The following SLC39A12 variants were observed in gnomAD, a reference collection of about 807,000 sequenced individuals.
SLC39A12 encodes the protein solute carrier family 39 member 12.
SLC39A12 carries 63 observed loss-of-function variants against 71.1 expected under a neutral mutation model. The ratio of observed to expected loss-of-function variants is 0.89; its 90% CI spans 0.72 to 1.09. SLC39A12 has a LOEUF of 1.09. SLC39A12 is among the 50% of genes least tolerant of loss of function. The pLI, the probability that SLC39A12 is intolerant of heterozygous loss-of-function variation, is 0.00. For synonymous variants in SLC39A12, 351 were observed against 301.3 expected, an observed-to-expected ratio of 1.16 and a Z score of -1.71; for missense variants, 892 against 812.6, an observed-to-expected ratio of 1.10 and a Z score of -1.19.
intron 10 of SLC39A12, among the ~76,000 whole-genome samples, chr10:17,997,508 G>A (rs1219383909): frequency 6.6e-6 from 1 of 151,870 alleles, no homozygotes; most frequent in Admixed American, 6.6e-5. Flanking sequence ...TTTCTCTTTG[G>A]TTGTGGTCTT....
chr10:17,967,631 C>G (rs1256078573), intron 4 of SLC39A12, among the ~76,000 whole-genome samples: 1 of 151,898 alleles, frequency 6.6e-6, no homozygotes, highest in Non-Finnish European at 1.5e-5. Context: ...CGCCTGTAAT[C>G]CCAGCACTTT....
chr10:17,972,377 A>G (rs1299824592), intron 4 of SLC39A12, among the ~76,000 whole-genome samples: 2 of 152,080 alleles, frequency 1.3e-5, no homozygotes, highest in African/African-American at 4.8e-5. Context: ...GATGAAGTTT[A>G]ATGTTACTTT....
chr10:18,026,841 G>T (rs541897983), intron 12 of SLC39A12, among the ~76,000 whole-genome samples: 5 of 152,112 alleles, frequency 3.3e-5, no homozygotes, highest in Non-Finnish European at 7.4e-5. Context: ...TTCTGTGACA[G>T]TGTTTTTAAT....
Position 17,953,368 on chromosome 10 carries a change from C to T in SLC39A12, c.92C>T (p.Ala31Val). 4 of 1,614,120 alleles carry T rather than the reference C, an allele frequency of 2.5e-6. No individual in the cohort carries two copies. Among genetic ancestry groups the T allele is most frequent in the Non-Finnish European group, 3.4e-6 (4 of 1,180,022 alleles). The change falls in exon 2 of 13, where the codon GCC (alanine) becomes GTC (valine). Residue 31 changes from alanine to valine, a missense_variant. Coordinates refer to ENST00000377369, the MANE Select transcript of SLC39A12 (RefSeq NM_001145195.2). ...VFSTETDKPSAQDSRSRGSSG... is the reference protein window; with the variant it reads ...VFSTETDKPSVQDSRSRGSSG... ...TCTACTGAGACAGACAAACCCTCAG[C>T]CCAGGATAGCAGAAGCCGTGGGAGT...
intron 11 of SLC39A12, chr10:18,001,995 C>G (rs1250537804): frequency 2.0e-5 from 3 of 151,476 alleles, no homozygotes; most frequent in Non-Finnish European, 2.9e-5. Flanking sequence ...CACCCCACTA[C>G]CCTTCCCAGC....
chr10:17,954,751 A>ATTTAGC, intron 2 of SLC39A12, among the ~76,000 whole-genome samples: 1 of 151,704 alleles, frequency 6.6e-6, no homozygotes, highest in East Asian at 1.9e-4. Flanking sequence ...AGCATACATA[A>ATTTAGC]ATAAGTAAAA....
intron 12 of SLC39A12, among the ~76,000 whole-genome samples, chr10:18,041,793 CTATA>C (rs1201050271): frequency 7.8e-6 from 1 of 128,418 alleles, no homozygotes; most frequent in African/African-American, 2.7e-5. Context: ...ACATATGTGT[CTATA>C]TGTATATACA....
In SLC39A12 at chr10:18,000,658, G is replaced by T. The variant is rs987298487; in HGVS notation, c.1601-9G>T. The T allele has an allele frequency of 6.2e-7, 1 of 1,613,788 alleles. No individual in the cohort carries two copies. The highest frequency in any genetic ancestry group is 8.5e-7 in the Non-Finnish European group (1 of 1,179,908). On this transcript the variant is annotated splice_polypyrimidine_tract_variant and intron_variant, in intron 10 of 12. Transcript: ENST00000377369. ...TTAATGCTTCTTCTGTGTTTATTTG[G>T]TTCCTTAGGTAAAGCCATTAGCTTG...
intron 12 of SLC39A12, among the ~76,000 whole-genome samples, chr10:18,006,952 G>T (rs971187957): frequency 6.6e-6 from 1 of 152,154 alleles, no homozygotes; most frequent in African/African-American, 2.4e-5. Context: ...CAGAGATGGG[G>T]CTGAGTGCAT....
At chr10:18,029,106 C>T (rs1239684460) in intron 12 of SLC39A12, among the ~76,000 whole-genome samples, 1 of 150,146 alleles carries the variant, frequency 6.7e-6, no homozygotes, top group Non-Finnish European at 1.5e-5. Context: ...CTCCTGAACT[C>T]GTGATCCGCC....
chr10:17,966,733 G>T (rs968039288), intron 4 of SLC39A12, among the ~76,000 whole-genome samples: 20 of 152,006 alleles, frequency 1.3e-4, no homozygotes, highest in African/African-American at 4.8e-4. Context: ...ACTTTGGGAG[G>T]CTGAGGCGGG....
intron 6 of SLC39A12, among the ~76,000 whole-genome samples, chr10:17,985,860 G>C (rs1315004424): frequency 6.6e-6 from 1 of 151,672 alleles, no homozygotes; most frequent in East Asian, 1.9e-4. Flanking sequence ...AGGAAGCCTA[G>C]AAACATGAAA....
rs939102596 is a variant in SLC39A12, at chr10:18,029,280, T to C, written c.1948-13425T>C. On this transcript the variant is annotated intron_variant, in intron 12 of 12. Transcript: ENST00000377369. ...AACAGAACTTGCGAGGACCATTCTC[T>C]GTGGATAAGTCGTAGTTTGTGGACT... is the stretch of plus-strand genomic sequence containing the variant. Among the ~76,000 whole-genome samples the C allele has an allele frequency of 3.3e-5, 5 of 152,222 alleles. No individual in the cohort carries two copies. The South Asian group carries it at 1.0e-3, about 32-fold the overall frequency.
At chr10:18,009,959 A>C (rs767883673) in intron 12 of SLC39A12, among the ~76,000 whole-genome samples, 38 of 152,356 alleles carry the variant, frequency 2.5e-4, no homozygotes, top group South Asian at 2.1e-4. Context: ...AAAGCAAAAA[A>C]ACATTAATTG....
At chr10:18,036,979 G>T (rs372743256) in intron 12 of SLC39A12, among the ~76,000 whole-genome samples, 1 of 151,108 alleles carries the variant, frequency 6.6e-6, no homozygotes, top group African/African-American at 2.4e-5. Context: ...TAGAGTCTGC[G>T]TTTCACCATA....
intron 4 of SLC39A12, among the ~76,000 whole-genome samples, chr10:17,975,791 C>T (rs1460721118): frequency 6.6e-6 from 1 of 152,116 alleles, no homozygotes; most frequent in Non-Finnish European, 1.5e-5. Flanking sequence ...TTTATTAGCA[C>T]CCCAGAGCAC....
rs758659706 is a variant in SLC39A12 at position 17,995,750 on chromosome 10, G to T, written c.1600+28G>T. 7 of 1,585,854 alleles carry T rather than the reference G, an allele frequency of 4.4e-6. No homozygotes were observed. In the Admixed American group the frequency reaches 1.2e-4, roughly 28 times the overall value. On this transcript the variant is annotated intron_variant, in intron 10 of 12. Transcript: ENST00000377369. ...GAGTACCAAGCTAAACTTTACATGTGGAAAGTGCCATAGAAAAACAGTTAT... is the reference window on the plus strand; with the variant it reads ...GAGTACCAAGCTAAACTTTACATGTTGAAAGTGCCATAGAAAAACAGTTAT...
At chr10:17,991,337 A>C in intron 8 of SLC39A12, 34 bp downstream of exon 8, 1 of 1,509,808 alleles carries the variant, frequency 6.6e-7, no homozygotes, top group Non-Finnish European at 8.9e-7. Context: ...CTTGTGCTTT[A>C]AAGTCTTATA....
At chr10:17,976,948 C>T (rs1835125283) in intron 4 of SLC39A12, among the ~76,000 whole-genome samples, 1 of 152,104 alleles carries the variant, frequency 6.6e-6, no homozygotes, top group African/African-American at 2.4e-5. Context: ...GGTATACTTG[C>T]TCTTGTTACA....
Sources: allele counts gnomAD v4.1 joint callset (sites outside exome capture counted in the v4.1 genomes callset), GRCh38; gene constraint gnomAD v4.1.1; transcripts MANE v1.5; gene names NCBI Gene and HGNC (gene_info 2026-07-23, HGNC 2026-07-21).